Variants in TRPM6 observed in about 807,000 individuals in gnomAD.
The protein encoded by TRPM6 is channel kinase 2.
Under a neutral mutation model 247.6 loss-of-function variants are expected in TRPM6, and 111 were observed. The ratio of observed to expected loss-of-function variants is 0.45; its 90% confidence interval spans 0.38 to 0.52. TRPM6 has a LOEUF of 0.52. Among genes scored for constraint, TRPM6 ranks in the 20% least tolerant of loss-of-function variants. TRPM6 has a pLI of 0.00. For synonymous variants in TRPM6, 892 were observed against 853.8 expected (o/e 1.04, Z -0.78); for missense variants, 2,126 against 2,421.5 (o/e 0.88, Z 2.56).
chr9:74,739,114 A>G (rs758807170), intron 35 of TRPM6, among the ~76,000 whole-genome samples: 14 of 152,218 alleles, frequency 9.2e-5, no homozygotes, highest in African/African-American at 1.4e-4. Flanking sequence ...TCTGTTTCCC[A>G]TAACTGAAAT....
In TRPM6 at chr9:74,808,178, C is replaced by G. The variant is rs752638576; in HGVS notation, c.1498-4G>C. On this transcript the variant is annotated splice_region_variant and splice_polypyrimidine_tract_variant and intron_variant, in intron 13 of 38. Coordinates refer to ENST00000360774, the MANE Select transcript of TRPM6 (RefSeq NM_017662.5). ...GGTAGCCTGAAAGAAGGGTATGCTG[C>G]AACAAAAACATGCAACGACTTTTAA... 1 of 1,613,852 alleles carries G rather than the reference C, an allele frequency of 6.2e-7. No homozygotes were observed. The highest frequency in any genetic ancestry group is 1.3e-5 in the African/African-American group (1 of 75,020).
intron 23 of TRPM6, among the ~76,000 whole-genome samples, chr9:74,777,593 C>G (rs1302163109): frequency 6.6e-6 from 1 of 152,308 alleles, no homozygotes; most frequent in East Asian, 1.9e-4. Flanking sequence ...TTCTACCACA[C>G]TATCAAAAAG....
At chr9:74,853,047 G>A (rs1248056647) in intron 3 of TRPM6, among the ~76,000 whole-genome samples, 1 of 150,802 alleles carries the variant, frequency 6.6e-6, no homozygotes, top group Non-Finnish European at 1.5e-5. Flanking sequence ...GATGTGGGGA[G>A]CGCCTCTGCC....
At chr9:74,750,861 A>G in intron 29 of TRPM6, 139 bp from the exon 30 acceptor site, 1 of 794,564 alleles carries the variant, frequency 1.3e-6, no homozygotes, top group Non-Finnish European at 2.2e-6. Context: ...TTTAAAAAAC[A>G]TACTAAACCC....
intron 5 of TRPM6, among the ~76,000 whole-genome samples, chr9:74,837,636 C>T (rs569349710): frequency 1.9e-3 from 284 of 151,838 alleles, no homozygotes; most frequent in African/African-American, 6.6e-3. Context: ...TTAGTAGAGA[C>T]GGGGTTTCAC....
intron 36 of TRPM6, chr9:74,737,391 A>G: frequency 7.8e-7 from 1 of 1,289,820 alleles, no homozygotes; most frequent in Non-Finnish European, 1.0e-6. Flanking sequence ...CTGTCTGCTT[A>G]TCTCTACATT....
intron 1 of TRPM6, among the ~76,000 whole-genome samples, chr9:74,873,620 CT>C (rs1200668172): frequency 6.6e-6 from 1 of 152,128 alleles, no homozygotes; most frequent in African/African-American, 2.4e-5. Flanking sequence ...TCGGGAGACT[CT>C]TTTCTAAGAG....
intron 12 of TRPM6, among the ~76,000 whole-genome samples, chr9:74,811,823 G>C (rs1828739178): frequency 6.6e-6 from 1 of 152,170 alleles, no homozygotes; most frequent in African/African-American, 2.4e-5. Context: ...CAGGTAGTAA[G>C]AATAATTTAC....
chr9:74,757,313 C>T (rs1826460959), intron 27 of TRPM6, among the ~76,000 whole-genome samples: 1 of 151,660 alleles, frequency 6.6e-6, no homozygotes, highest in East Asian at 1.9e-4. Context: ...GGCATGGTGG[C>T]TTATGCCTGT....
intron 1 of TRPM6, among the ~76,000 whole-genome samples, chr9:74,873,879 C>T (rs1436464138): frequency 6.6e-6 from 1 of 151,588 alleles, no homozygotes. Flanking sequence ...AAAAAAAACC[C>T]TCACATTCAA....
chr9:74,739,641 A>G (rs1382101034), intron 34 of TRPM6, 82 bp downstream of exon 34: 3 of 1,583,942 alleles, frequency 1.9e-6, no homozygotes, highest in East Asian at 4.5e-5. Flanking sequence ...GTTGAGGATA[A>G]TGGCCTTAGA....
intron 36 of TRPM6, among the ~76,000 whole-genome samples, chr9:74,736,663 A>G (rs1365450656): frequency 6.6e-6 from 1 of 152,192 alleles, no homozygotes; most frequent in African/African-American, 2.4e-5. Flanking sequence ...AAATTTCATA[A>G]CATTCATTCT....
rs1057515642 is a variant in TRPM6 at position 74,812,433 on chromosome 9, G to A, written c.1309C>T (p.Pro437Ser). ...GACATTGCTTGTTCCAGGGCATCAGGCTTCAGAAAGCACAAATAAGAAATA... is the reference window on the plus strand; with the variant it reads ...GACATTGCTTGTTCCAGGGCATCAGACTTCAGAAAGCACAAATAAGAAATA... ...HILIYEQHWK[P>S]DALEQAMSDA... The change falls in exon 12 of 39, where the codon CCT becomes TCT. Residue 437 changes from proline (P) to serine (S), a missense_variant and splice_region_variant. Pro to Ser is a moderately conservative substitution (Grantham distance 74). Coordinates refer to ENST00000360774, the MANE Select transcript of TRPM6 (RefSeq NM_017662.5). 5.6e-6 allele frequency: 9 copies of A among 1,613,634 alleles called. No homozygotes were observed. Among genetic ancestry groups the A allele is most frequent in the Non-Finnish European group, 7.6e-6 (9 of 1,179,806 alleles).
intron 1 of TRPM6, chr9:74,887,371 C>A (rs1350443184): frequency 7.2e-7 from 1 of 1,394,312 alleles, no homozygotes; most frequent in South Asian, 1.7e-5. Context: ...TAGTCAGCGT[C>A]CGGGTCTGAG....
chr9:74,769,533 C>T (rs112055462), intron 25 of TRPM6, among the ~76,000 whole-genome samples: 3 of 151,818 alleles, frequency 2.0e-5, no homozygotes, highest in South Asian at 2.1e-4. Flanking sequence ...TCGAGGGGGG[C>T]GGATCATGAG....
intron 1 of TRPM6, among the ~76,000 whole-genome samples, chr9:74,881,256 G>C (rs1831354867): frequency 6.6e-6 from 1 of 151,686 alleles, no homozygotes; most frequent in Admixed American, 6.6e-5. Flanking sequence ...CACGCAAACA[G>C]AAACCAAACG....
rs1825401817 is a variant in TRPM6, at chr9:74,728,300, TGC to T, written c.5872_5873del (p.Ala1958AsnfsTer2). On this transcript the variant is annotated frameshift_variant, in exon 38 of 39. Coordinates refer to ENST00000360774, the MANE Select transcript of TRPM6 (RefSeq NM_017662.5). LOFTEE classifies it high-confidence loss of function. ...GATGTTTTGCAATGAAGTTTCTAAT[TGC>T]ATCTTCCCCCAAATTGGCCGGTCCA... is the stretch of plus-strand genomic sequence containing the variant. ...VFGPANLGED[A>X]IRNFIAKHHC... The T allele has an allele frequency of 6.2e-7, 1 of 1,614,028 alleles. No homozygotes were observed.
chr9:74,833,473 G>A (rs921767692), intron 6 of TRPM6, among the ~76,000 whole-genome samples: 3 of 152,092 alleles, frequency 2.0e-5, no homozygotes, highest in Admixed American at 1.3e-4. Flanking sequence ...GTTTCACTAC[G>A]GGCAAACCAC....
At chr9:74,808,712 T>G (rs73534357) in intron 13 of TRPM6, among the ~76,000 whole-genome samples, 2,032 of 152,304 alleles carry the variant, frequency 0.013, 42 homozygotes, top group African/African-American at 0.046. Flanking sequence ...GAAATGGATA[T>G]AACACTTTGC....
Sources: gnomAD v4.1 joint callset for allele counts (sites outside exome capture counted in the v4.1 genomes callset) on GRCh38, gnomAD v4.1.1 for gene constraint, MANE v1.5 for transcripts, NCBI Gene and HGNC (gene_info 2026-07-23, HGNC 2026-07-21) for gene names.